The following PNPLA7 variants were observed in gnomAD, a reference collection of about 807,000 sequenced individuals.
PNPLA7 encodes the protein patatin like domain 7, lysophospholipase.
Under a neutral mutation model 161.7 loss-of-function variants are expected in PNPLA7, and 153 were observed. The observed-to-expected ratio is 0.95, with a 90% CI of 0.83 to 1.08. The LOEUF (loss-of-function observed/expected upper bound fraction) is 1.08. Among genes scored for constraint, PNPLA7 ranks in the 50% least tolerant of loss-of-function variants. The pLI is 0.00. For synonymous variants in PNPLA7, 809 were observed against 782.1 expected, an observed-to-expected ratio of 1.03 and a Z score of -0.57; for missense variants, 1,739 against 1,856.6, an observed-to-expected ratio of 0.94 and a Z score of 1.16.
At chr9:137,519,836 C>G (rs1834895296) in intron 11 of PNPLA7, 81 bp downstream of exon 11, 1 of 1,534,088 alleles carries the variant, frequency 6.5e-7, no homozygotes, top group African/African-American at 1.4e-5. Context: ...TGCAAGATGA[C>G]CTGGGGTGAC....
At chr9:137,506,191 C>T in intron 12 of PNPLA7, 108 bp from the exon 13 acceptor site, 1 of 874,502 alleles carries the variant, frequency 1.1e-6, no homozygotes. Context: ...ACCCCGGCAG[C>T]TCCCTCGAGG....
intron 20 of PNPLA7, among the ~76,000 whole-genome samples, chr9:137,487,440 T>C (rs1832543735): frequency 6.6e-6 from 1 of 152,068 alleles, no homozygotes; most frequent in Non-Finnish European, 1.5e-5. Flanking sequence ...CTGGAGTAAA[T>C]ACCCAAACCG....
intron 24 of PNPLA7, 109 bp downstream of exon 24, chr9:137,478,947 C>A: frequency 7.4e-7 from 1 of 1,356,034 alleles, no homozygotes; most frequent in East Asian, 2.7e-5. Flanking sequence ...AGGAAGGGCC[C>A]AGGAGCGCAG....
In PNPLA7 at chr9:137,467,668, C is replaced by T. The variant is rs546455091; in HGVS notation, c.2883-195G>A. Among the ~76,000 whole-genome samples the T allele has an allele frequency of 7.7e-4, 117 of 152,352 alleles. No homozygotes were observed. Among genetic ancestry groups the T allele is most frequent in the African/African-American group, 2.6e-3 (109 of 41,580 alleles). ...ATCTCAGCACTTTGGGAGGCCAAGG[C>T]GGGCAGATCACTTGAGGCCAGGAGT... On this transcript the variant is annotated intron_variant, in intron 25 of 34. Coordinates refer to ENST00000406427, the MANE Select transcript of PNPLA7 (RefSeq NM_001098537.3). This position sits in a 1 kb window ranked among gnomAD's most constrained non-coding sequence, Gnocchi z 5.1.
intron 20 of PNPLA7, among the ~76,000 whole-genome samples, chr9:137,487,772 A>C (rs1588579125): frequency 6.6e-6 from 1 of 151,926 alleles, no homozygotes; most frequent in African/African-American, 2.4e-5. Context: ...GTTCTACCCA[A>C]CCCCAGCTGG....
At chr9:137,510,327 CA>C (rs1177998972) in intron 12 of PNPLA7, among the ~76,000 whole-genome samples, 1 of 152,198 alleles carries the variant, frequency 6.6e-6, no homozygotes. Context: ...CTTCAGTGGT[CA>C]CGCTCCTAGT....
intron 28 of PNPLA7, 33 bp downstream of exon 28, chr9:137,464,093 C>A (rs1336684043): frequency 2.5e-6 from 4 of 1,607,196 alleles, no homozygotes; most frequent in African/African-American, 2.7e-5. Flanking sequence ...ACCTCGCACC[C>A]AAGCGGCCGC....
rs1337979272 is a variant in PNPLA7 at position 137,545,654 on chromosome 9, ACTC to A, written c.273+1173_273+1175del. Among the ~76,000 whole-genome samples the A allele has an allele frequency of 1.9e-4, 29 of 152,334 alleles. No homozygotes were observed. The East Asian group carries it at 4.6e-3, about 24-fold the overall frequency. On this transcript the variant is annotated intron_variant, in intron 4 of 34. Coordinates refer to ENST00000406427, the MANE Select transcript of PNPLA7 (RefSeq NM_001098537.3). ...CATTAATCATTAGCTTGTAGCAATTACTCTTTATTCCAATATTATAATAATCCT... is the reference window on the plus strand; with the variant it reads ...CATTAATCATTAGCTTGTAGCAATTATTTATTCCAATATTATAATAATCCT...
rs1317741491 is a variant in PNPLA7 at position 137,524,895 on chromosome 9, G to A, written c.748-2038C>T. On this transcript the variant is annotated intron_variant, in intron 8 of 34. Transcript: ENST00000406427. This position sits in a 1 kb window ranked among gnomAD's most constrained non-coding sequence, Gnocchi z 4.4. ...TTTCCGTGGATGCCTGTCTTCACCA[G>A]CAGTTGGTGCCACCATGTCGCATAA... 2.0e-5 allele frequency among the ~76,000 whole-genome samples: 3 copies of A among 152,210 alleles called. No individual in the cohort carries two copies. The highest frequency in any genetic ancestry group is 4.4e-5 in the Non-Finnish European group (3 of 68,044).
Position 137,461,966 on chromosome 9 carries a change from C to T in PNPLA7, c.3721G>A (p.Asp1241Asn), listed in dbSNP as rs372321101. The T allele has an allele frequency of 1.9e-6, 3 of 1,596,182 alleles. No homozygotes were observed. The highest frequency in any genetic ancestry group is 2.3e-5 in the East Asian group (1 of 43,822). Residue 1241 changes from aspartate (D) to asparagine (N), a missense_variant, in exon 32 of 35, where the codon GAC (aspartate) becomes AAC (asparagine). By Grantham distance (23) the Asp-to-Asn change is conservative. This residue lies in a region of PNPLA7 where 703 missense variants were observed against 694.6 expected (regional missense o/e 1.01). Transcript: ENST00000406427. Reference sequence around the variant, plus strand: ...GGCTTCTTGCTCGGCCCCTGCTGGTCGCGGAGCATCTTCTCCAGCACGCCG... The same window carrying T: ...GGCTTCTTGCTCGGCCCCTGCTGGTTGCGGAGCATCTTCTCCAGCACGCCG... ...RSGVLEKMLR[D>N]QQGPSKKPAS...
rs1182108186 is a variant in PNPLA7, at chr9:137,540,798, C to T, written c.667-76G>A. ...GGGGCCTGGCGGAGGCTCAGCCCAGCCCAGGGCAGTGGGGCCACGGGCCTG... is the reference window on the plus strand; with the variant it reads ...GGGGCCTGGCGGAGGCTCAGCCCAGTCCAGGGCAGTGGGGCCACGGGCCTG... On this transcript the variant is annotated intron_variant, in intron 7 of 34. Coordinates refer to ENST00000406427, the MANE Select transcript of PNPLA7 (RefSeq NM_001098537.3). This position sits in a 1 kb window ranked among gnomAD's most constrained non-coding sequence, Gnocchi z 5.1. 2 of 1,398,858 alleles carry T rather than the reference C, an allele frequency of 1.4e-6. No individual in the cohort carries two copies. Among genetic ancestry groups the T allele is most frequent in the Admixed American group, 3.9e-5 (2 of 51,770 alleles). The allele number at this position is 1,398,858 out of a possible 1,614,324, so 86.7% of individuals were successfully genotyped here.
chr9:137,522,534 G>A (rs1469573280), intron 9 of PNPLA7, among the ~76,000 whole-genome samples, 195 bp downstream of exon 9: 2 of 152,234 alleles, frequency 1.3e-5, no homozygotes, highest in Non-Finnish European at 2.9e-5. Flanking sequence ...AACCCACTCA[G>A]AATCCCACAA....
rs201530941 is a variant in PNPLA7, at chr9:137,522,680, C to A, written c.876+49G>T. ...ATCCCAAACCAGTGCCCAGGCCCCC[C>A]CAGGGTGACCCACAGCAGCTAGAAG... On this transcript the variant is annotated intron_variant, in intron 9 of 34. Coordinates refer to ENST00000406427, the MANE Select transcript of PNPLA7 (RefSeq NM_001098537.3). 6.3e-5 allele frequency: 101 copies of A among 1,606,804 alleles called. 1 individual carries two copies. The highest frequency in any genetic ancestry group is 4.9e-4 in the East Asian group (22 of 44,788).
rs202161097 is a variant in PNPLA7 at position 137,462,821 on chromosome 9, C to G, written c.3356G>C (p.Arg1119Pro). The G allele has an allele frequency of 1.9e-6, 3 of 1,613,790 alleles. No homozygotes were observed. Among genetic ancestry groups the G allele is most frequent in the East Asian group, 2.2e-5 (1 of 44,882 alleles). Residue 1119 changes from arginine to proline, a missense_variant, in exon 30 of 35, where the codon CGG becomes CCG. Arg to Pro is a moderately radical substitution (Grantham distance 103). Around this residue, in one of 6 missense-constraint regions of PNPLA7, gnomAD observed 703 missense variants for 694.6 expected, o/e 1.01. Transcript: ENST00000406427. ...YINNLPADVA[R>P]SMGAKVVIAI... ...GATCACCACTTTTGCCCCCATGGAC[C>G]GGGCCACATCCGCTAGGGAGAAGCC... is the stretch of plus-strand genomic sequence containing the variant.
In PNPLA7 at chr9:137,465,130, G is replaced by A. The variant is rs182033449; in HGVS notation, c.3040-674C>T. Among the ~76,000 whole-genome samples, 6 of 152,270 alleles carry A rather than the reference G, an allele frequency of 3.9e-5. No homozygotes were observed. In the South Asian group the frequency reaches 6.2e-4, roughly 16 times the overall value. On this transcript the variant is annotated intron_variant, in intron 26 of 34. Transcript: ENST00000406427. ...AGGGGACGGAGGCTGGGAGGGAAGC[G>A]CTTGGAGTGTGGGCTGGACGTGCTT...
intron 14 of PNPLA7, among the ~76,000 whole-genome samples, chr9:137,502,593 CGAG>C (rs369333731): frequency 0.017 from 2,205 of 132,252 alleles, 81 homozygotes; most frequent in African/African-American, 0.06. Context: ...GTTGTCAGCC[CGAG>C]GAGGAGCCGT....
At chr9:137,528,052 T>A (rs1417815096) in intron 8 of PNPLA7, among the ~76,000 whole-genome samples, 1 of 152,244 alleles carries the variant, frequency 6.6e-6, no homozygotes, top group Non-Finnish European at 1.5e-5. Context: ...AAATATTTCC[T>A]TATTAGTCCT....
intron 12 of PNPLA7, among the ~76,000 whole-genome samples, chr9:137,508,558 ACT>A (rs966724293): frequency 2.6e-5 from 4 of 151,804 alleles, no homozygotes; most frequent in Non-Finnish European, 5.9e-5. Flanking sequence ...CAAGAGCGAG[ACT>A]CTGTCTCAAA....
chr9:137,513,863 A>G (rs985535433), intron 12 of PNPLA7, among the ~76,000 whole-genome samples: 5 of 152,282 alleles, frequency 3.3e-5, no homozygotes, highest in Admixed American at 2.6e-4. Flanking sequence ...AAGTGGGCAG[A>G]GAATACGACC....
Sources: gnomAD v4.1 joint callset for allele counts (sites outside exome capture counted in the v4.1 genomes callset) on GRCh38, gnomAD v4.1.1 for gene constraint, gnomAD v4.1.1 regional missense constraint, Gnocchi (gnomAD v3.1) non-coding constraint, MANE v1.5 for transcripts, NCBI Gene and HGNC (gene_info 2026-07-23, HGNC 2026-07-21) for gene names.